GPLD1: variants seen among roughly 807,000 people sequenced by gnomAD.
The protein encoded by GPLD1 is phosphatidylinositol-glycan-specific phospholipase D.
A neutral mutation model predicts 112.6 loss-of-function variants in GPLD1; 84 were observed. The observed-to-expected ratio is 0.75, with a 90% confidence interval of 0.63 to 0.89. The LOEUF (loss-of-function observed/expected upper bound fraction) is 0.89. Ranked by LOEUF, GPLD1 falls within the 40% of genes least tolerant of loss-of-function variation. The pLI, the probability that GPLD1 is intolerant of heterozygous loss-of-function variation, is 0.00. For missense variants in GPLD1, 1,044 were observed against 1,051.5 expected (o/e 0.99, Z 0.10); for synonymous variants, 386 against 403.8 (o/e 0.96, Z 0.53).
chr6:24,485,076 G>C (rs547551700), intron 2 of GPLD1, among the ~76,000 whole-genome samples: 1 of 152,312 alleles, frequency 6.6e-6, no homozygotes, highest in South Asian at 2.1e-4. Flanking sequence ...AGTCCTACCA[G>C]GATATGGAAT....
At chr6:24,465,443 G>A (rs1187252274) in intron 10 of GPLD1, among the ~76,000 whole-genome samples, 1 of 151,816 alleles carries the variant, frequency 6.6e-6, no homozygotes, top group Non-Finnish European at 1.5e-5. Flanking sequence ...TCGAGACTGA[G>A]GCACAAGAAT....
chr6:24,428,892 C>G lies in GPLD1; in HGVS notation c.*140G>C, dbSNP rs1062531. 46 of 530,826 alleles carry G rather than the reference C, an allele frequency of 8.7e-5. 2 individuals carry two copies. Among genetic ancestry groups the G allele is most frequent in the Non-Finnish European group, 1.1e-4 (32 of 294,038 alleles). The allele number at this position is 530,826 out of a possible 1,614,324, so 32.9% of individuals were successfully genotyped here. A position where few individuals can be genotyped will look rare whatever the true frequency, so the allele number is the denominator to read the frequency against. The stretch of plus-strand genomic sequence containing the variant: ...CCAGAGGGTGTGGCTGTTAGTGTGT[C>G]TCTCTACTCCCAGGAGCCCCATGTC... On this transcript the variant is annotated 3_prime_UTR_variant, in exon 25 of 25. Transcript: ENST00000230036.
intron 10 of GPLD1, among the ~76,000 whole-genome samples, chr6:24,466,012 G>A (rs1211945062): frequency 5.3e-5 from 8 of 152,192 alleles, no homozygotes; most frequent in Admixed American, 2.0e-4. Flanking sequence ...GACCTGTGGA[G>A]ACCTGGCACT....
chr6:24,448,463 C>G (rs920310758), intron 15 of GPLD1, among the ~76,000 whole-genome samples: 1 of 151,942 alleles, frequency 6.6e-6, no homozygotes, highest in African/African-American at 2.4e-5. Flanking sequence ...TTATCACCAC[C>G]CCCAATGATT....
rs1321556531 is a variant in GPLD1 at position 24,447,945 on chromosome 6, G to A, written c.1610C>T (p.Ala537Val). Residue 537 changes from alanine to valine, a missense_variant, in exon 17 of 25, where the codon GCA becomes GTA. By Grantham distance (64) the Ala-to-Val change is moderately conservative (BLOSUM62 0). Coordinates refer to ENST00000230036, the MANE Select transcript of GPLD1 (RefSeq NM_001503.4). ...EPDLVIGSPF[A>V]PGGGKQKGIV... ...TCCCTTCTGCTTCCCTCCACCTGGTGCAAAAGGGGAGCCGATGACCAGATC... is the reference window on the plus strand; with the variant it reads ...TCCCTTCTGCTTCCCTCCACCTGGTACAAAAGGGGAGCCGATGACCAGATC... 4 of 1,613,856 alleles carry A rather than the reference G, an allele frequency of 2.5e-6. No individual in the cohort carries two copies. Among genetic ancestry groups the A allele is most frequent in the African/African-American group, 2.7e-5 (2 of 74,838 alleles).
intron 7 of GPLD1, among the ~76,000 whole-genome samples, chr6:24,468,477 T>C (rs1763691328): frequency 6.6e-6 from 1 of 152,244 alleles, no homozygotes; most frequent in Non-Finnish European, 1.5e-5. Flanking sequence ...TAGCTACCTA[T>C]GACCTGGAAG....
chr6:24,463,842 T>C (rs376510844), intron 10 of GPLD1, among the ~76,000 whole-genome samples: 7 of 152,252 alleles, frequency 4.6e-5, no homozygotes, highest in African/African-American at 1.7e-4. Context: ...GAATTTCCCA[T>C]ACATTTTCAT....
At chr6:24,449,032 G>T (rs898529959) in intron 15 of GPLD1, among the ~76,000 whole-genome samples, 4 of 152,040 alleles carry the variant, frequency 2.6e-5, no homozygotes, top group African/African-American at 9.7e-5. Context: ...GCTAAGTGGG[G>T]ACAAGGAAGT....
At chr6:24,475,403 A>G (rs1322833607) in intron 4 of GPLD1, among the ~76,000 whole-genome samples, 172 bp from the exon 5 acceptor site, 1 of 151,862 alleles carries the variant, frequency 6.6e-6, no homozygotes, top group Non-Finnish European at 1.5e-5. Context: ...GGCCAGGTGC[A>G]GTGGCTCTTG....
At chr6:24,473,970 C>CA (rs1212002972) in intron 5 of GPLD1, among the ~76,000 whole-genome samples, 1 of 151,786 alleles carries the variant, frequency 6.6e-6, no homozygotes, top group Non-Finnish European at 1.5e-5. Context: ...ACTAAAAATA[C>CA]AAAAAATTGG....
chr6:24,486,440 A>G (rs1764379044), intron 1 of GPLD1, among the ~76,000 whole-genome samples: 1 of 152,226 alleles, frequency 6.6e-6, no homozygotes, highest in Non-Finnish European at 1.5e-5. Context: ...AGAGTTTAAA[A>G]AATACCCACC....
chr6:24,444,409 T>C (rs370314947), intron 20 of GPLD1, among the ~76,000 whole-genome samples: 4 of 152,114 alleles, frequency 2.6e-5, no homozygotes, highest in South Asian at 4.1e-4. Flanking sequence ...GTGTTTTTTT[T>C]TTCCTTCTAT....
chr6:24,424,269 G>A (rs377079233), downstream of GPLD1: 1 of 151,130 alleles, frequency 6.6e-6, no homozygotes, highest in Non-Finnish European at 1.5e-5. Context: ...TATCACCATT[G>A]TATGGATTCC....
intron 13 of GPLD1, 146 bp downstream of exon 13, chr6:24,456,352 A>C: frequency 1.8e-6 from 1 of 563,840 alleles, no homozygotes; most frequent in East Asian, 3.1e-5. Flanking sequence ...AGCCAAGATC[A>C]AGCCACTGTA....
chr6:24,489,745 G>T, upstream of GPLD1: 1 of 578,040 alleles, frequency 1.7e-6, no homozygotes, highest in Non-Finnish European at 2.8e-6. Context: ...GGTGGGGTTG[G>T]GAGGATAAAC....
chr6:24,474,206 C>CACACAT (rs1386205113), intron 5 of GPLD1, among the ~76,000 whole-genome samples: 2 of 120,732 alleles, frequency 1.7e-5, no homozygotes, highest in African/African-American at 5.1e-5. Flanking sequence ...CACACACACA[C>CACACAT]ATATATATGC....
upstream of GPLD1, among the ~76,000 whole-genome samples, chr6:24,492,278 G>C (rs1039800907): frequency 2.6e-5 from 4 of 152,056 alleles, no homozygotes; most frequent in Non-Finnish European, 4.4e-5. Context: ...GCCGAGGTGG[G>C]CAGATCACCT....
intron 14 of GPLD1, among the ~76,000 whole-genome samples, chr6:24,453,057 T>C (rs957549187): frequency 6.6e-6 from 1 of 151,980 alleles, no homozygotes; most frequent in Non-Finnish European, 1.5e-5. Context: ...CCTCTGATGT[T>C]AGAAAAACTT....
At chr6:24,473,721 T>C (rs1763904394) in intron 5 of GPLD1, 54 bp from the exon 6 acceptor site, 1 of 1,213,294 alleles carries the variant, frequency 8.2e-7, no homozygotes, top group Non-Finnish European at 1.2e-6. Context: ...GCCCCAACTC[T>C]TACTTCCACA....
Sources: allele counts gnomAD v4.1 joint callset (sites outside exome capture counted in the v4.1 genomes callset), GRCh38; gene constraint gnomAD v4.1.1; transcripts MANE v1.5; gene names NCBI Gene and HGNC (gene_info 2026-07-23, HGNC 2026-07-21).